Variants in ZNF536 observed in about 807,000 individuals in gnomAD.
ZNF536 encodes the protein zinc finger protein 536.
Under a neutral mutation model 84.5 loss-of-function variants are expected in ZNF536, and 13 were observed. The ratio of observed to expected loss-of-function variants is 0.15; its 90% CI spans 0.10 to 0.24. ZNF536 has a LOEUF of 0.24. ZNF536 is among the 10% of genes least tolerant of loss of function. The pLI is 1.00. For missense variants in ZNF536, 1,536 were observed against 1,747.5 expected (o/e 0.88, Z 2.16); for synonymous variants, 811 against 742.5 (o/e 1.09, Z -1.50).
intron 2 of ZNF536, among the ~76,000 whole-genome samples, chr19:30,487,694 G>A (rs1232505146): frequency 6.8e-6 from 1 of 147,706 alleles, no homozygotes; most frequent in Non-Finnish European, 1.5e-5. Flanking sequence ...AAAACCTGAA[G>A]TCCTGAAGTG....
intron 1 of ZNF536, among the ~76,000 whole-genome samples, chr19:30,617,541 T>TG (rs1422635933): frequency 6.6e-6 from 1 of 151,176 alleles, no homozygotes; most frequent in East Asian, 1.9e-4. Context: ...TAGTAGAGAC[T>TG]GGGTTTCACT....
intron 1 of ZNF536, among the ~76,000 whole-genome samples, chr19:30,672,073 A>G (rs370772459): frequency 6.6e-6 from 1 of 152,392 alleles, no homozygotes; most frequent in East Asian, 1.9e-4. Flanking sequence ...CCCGATTCCC[A>G]TCTCAACGTT....
At chr19:30,646,789 C>T (rs182896940) in intron 1 of ZNF536, among the ~76,000 whole-genome samples, 13 of 152,248 alleles carry the variant, frequency 8.5e-5, no homozygotes, top group East Asian at 5.8e-4. Context: ...ACCTGCCCTC[C>T]GACGTTACAC....
At position 30,432,006 on chromosome 19, in the gene ZNF536, T is replaced by TATATATATATATATATATAC. The variant is rs149223384; in HGVS notation, c.-2-11554_-2-11553insTATATATATATATATATACA. Among the ~76,000 whole-genome samples, 391 of 145,988 alleles carry TATATATATATATATATATAC rather than the reference T, an allele frequency of 2.7e-3. 3 individuals carry two copies. The highest frequency in any genetic ancestry group is 9.2e-3 in the African/African-American group (360 of 38,990). ...TTCATTAAAAGCATATATATATATA[T>TATATATATATATATATATAC]ACACACACACATACACACACACACA... On this transcript the variant is annotated intron_variant, in intron 1 of 4. Transcript: ENST00000355537.
chr19:30,407,602 T>C (rs1207005642), intron 1 of ZNF536, among the ~76,000 whole-genome samples: 1 of 152,222 alleles, frequency 6.6e-6, no homozygotes, highest in Non-Finnish European at 1.5e-5. Flanking sequence ...AATCCCCTGT[T>C]TGTGTTCTGA....
At chr19:30,603,212 G>A (rs185895655) in intron 1 of ZNF536, among the ~76,000 whole-genome samples, 61 of 152,270 alleles carry the variant, frequency 4.0e-4, no homozygotes, top group African/African-American at 1.4e-3. Flanking sequence ...GGTCATCCCC[G>A]AATCCCCCAG....
intron 1 of ZNF536, among the ~76,000 whole-genome samples, chr19:30,680,479 ACCT>A (rs2050924819): frequency 1.5e-5 from 2 of 133,268 alleles, no homozygotes; most frequent in Admixed American, 8.9e-5. Flanking sequence ...TTCAATTCCC[ACCT>A]ATGAGTGAGA....
At chr19:30,430,064 G>C (rs1007492287) in intron 1 of ZNF536, among the ~76,000 whole-genome samples, 4 of 152,048 alleles carry the variant, frequency 2.6e-5, no homozygotes, top group African/African-American at 9.7e-5. Context: ...GGGATTGGGA[G>C]TGGCTGTGTG....
chr19:30,357,996 C>T (rs890522251), intron 3 of ZNF536, among the ~76,000 whole-genome samples: 2 of 152,142 alleles, frequency 1.3e-5, no homozygotes, highest in Non-Finnish European at 1.5e-5. Context: ...ATCTCCTGTT[C>T]ACTGCAGGGA....
rs534916643 is a variant in ZNF536 at position 30,237,821 on chromosome 19, A to G, written c.-190+9148A>G. ...AACTTTTAGGGTTGCTTCCTCTCTC[A>G]ATAAGATGCTTATTTCATTGAGCTG... On this transcript the variant is annotated intron_variant, in intron 1 of 5. Transcript: ENST00000585628. Among the ~76,000 whole-genome samples the G allele has an allele frequency of 2.0e-5, 3 of 151,700 alleles. No individual in the cohort carries two copies. The East Asian group carries it at 5.8e-4, about 29-fold the overall frequency.
At chr19:30,527,883 C>T (rs1335892739) in intron 2 of ZNF536, among the ~76,000 whole-genome samples, 1 of 152,128 alleles carries the variant, frequency 6.6e-6, no homozygotes, top group Admixed American at 6.5e-5. Flanking sequence ...CATACGTGGG[C>T]AAGGACATTA....
chr19:30,677,738 G>A (rs934431914), intron 1 of ZNF536, among the ~76,000 whole-genome samples: 1 of 152,192 alleles, frequency 6.6e-6, no homozygotes, highest in East Asian at 1.9e-4. Context: ...TGTCTTTCCT[G>A]GCATCAAGAA....
chr19:30,416,605 C>T (rs2050745072), intron 1 of ZNF536, among the ~76,000 whole-genome samples: 1 of 152,044 alleles, frequency 6.6e-6, no homozygotes, highest in East Asian at 1.9e-4. Context: ...CTCCTCCCTG[C>T]CCTCCCCATC....
intron 2 of ZNF536, among the ~76,000 whole-genome samples, chr19:30,480,622 G>C (rs185810934): frequency 6.6e-6 from 1 of 151,976 alleles, no homozygotes; most frequent in Non-Finnish European, 1.5e-5. Context: ...CCTAGATGAC[G>C]GATTGATAGG....
At chr19:30,573,039 G>T (rs904864643) in intron 1 of ZNF536, among the ~76,000 whole-genome samples, 5 of 152,248 alleles carry the variant, frequency 3.3e-5, no homozygotes, top group African/African-American at 1.2e-4. Flanking sequence ...ATCTGAGGGG[G>T]GCACATATTC....
At chr19:30,634,183 G>T (rs1737767206) in intron 1 of ZNF536, among the ~76,000 whole-genome samples, 1 of 152,202 alleles carries the variant, frequency 6.6e-6, no homozygotes, top group Admixed American at 6.5e-5. Context: ...TGAAGACAAG[G>T]TCCCATTGGC....
intron 2 of ZNF536, among the ~76,000 whole-genome samples, chr19:30,501,498 A>G (rs2054948518): frequency 1.3e-5 from 2 of 152,098 alleles, no homozygotes; most frequent in African/African-American, 4.8e-5. Flanking sequence ...GTTGCATTTC[A>G]CTTGTTTTTA....
At chr19:30,440,894 GATA>G (rs1192184292) in intron 1 of ZNF536, among the ~76,000 whole-genome samples, 1 of 65,778 alleles carries the variant, frequency 1.5e-5, no homozygotes, top group Non-Finnish European at 3.1e-5. Context: ...TAGATAGATA[GATA>G]GATAGATAGA....
chr19:30,639,423 G>A (rs890246520), intron 1 of ZNF536, among the ~76,000 whole-genome samples: 5 of 152,198 alleles, frequency 3.3e-5, no homozygotes, highest in African/African-American at 9.7e-5. Context: ...TGGAAATCCA[G>A]TGAGTGTTTT....
Sources: allele counts gnomAD v4.1 joint callset (sites outside exome capture counted in the v4.1 genomes callset), GRCh38; gene constraint gnomAD v4.1.1; transcripts MANE v1.5; gene names NCBI Gene and HGNC (gene_info 2026-07-23, HGNC 2026-07-21).